Variants in ADGRD1 observed in about 807,000 individuals in gnomAD.
ADGRD1 encodes the protein G-protein coupled receptor 133.
A neutral mutation model predicts 113.4 loss-of-function variants in ADGRD1; 77 were observed. The ratio of observed to expected loss-of-function variants is 0.68; its 90% CI spans 0.57 to 0.82. The LOEUF (loss-of-function observed/expected upper bound fraction) is 0.82, where lower values mean the gene tolerates loss of function less well. Among genes scored for constraint, ADGRD1 ranks in the 40% least tolerant of loss-of-function variants. The pLI is 0.00. For missense variants in ADGRD1, 1,036 were observed against 1,139.1 expected, an observed-to-expected ratio of 0.91 and a Z score of 1.30; for synonymous variants, 474 against 475.0, an observed-to-expected ratio of 1.00 and a Z score of 0.03.
intron 12 of ADGRD1, among the ~76,000 whole-genome samples, chr12:131,010,686 C>T (rs1002715070): frequency 3.3e-5 from 5 of 152,158 alleles, no homozygotes; most frequent in Admixed American, 1.3e-4. Context: ...GGTGGGGCTC[C>T]GTGGGGCCAG....
intron 8 of ADGRD1, among the ~76,000 whole-genome samples, chr12:130,997,681 G>A (rs1875763406): frequency 6.6e-6 from 1 of 151,936 alleles, no homozygotes; most frequent in Admixed American, 6.6e-5. Context: ...TTTCCTAGAC[G>A]GGATGGCGGC....
At chr12:130,981,311 G>C (rs1872964584) in intron 4 of ADGRD1, 1 of 152,224 alleles carries the variant, frequency 6.6e-6, no homozygotes, top group Non-Finnish European at 1.5e-5. Context: ...AGACATAAAA[G>C]TGACAACGTG....
In ADGRD1 at chr12:130,992,449, C is replaced by T. The variant is rs1328975620; in HGVS notation, c.966+57C>T. 24 of 1,423,662 alleles carry T rather than the reference C, an allele frequency of 1.7e-5. No homozygotes were observed. In the East Asian group the frequency reaches 4.6e-4, roughly 27 times the overall value. 88.2% of individuals were successfully genotyped at this position (1,423,662 alleles called of 1,614,324 possible). ...CCGGGCGTGGCACCCTTACCGGGAC[C>T]ATAGATGTTTCTGTTTGACCTAGAT... On this transcript the variant is annotated intron_variant, in intron 8 of 24. Coordinates refer to ENST00000261654, the MANE Select transcript of ADGRD1 (RefSeq NM_198827.5).
intron 13 of ADGRD1, among the ~76,000 whole-genome samples, chr12:131,073,932 C>T (rs2137151758): frequency 6.6e-6 from 1 of 152,258 alleles, no homozygotes; most frequent in Non-Finnish European, 1.5e-5. Context: ...CTTAAAGGCC[C>T]CATCTCCCAA....
At position 131,011,761 on chromosome 12, in the gene ADGRD1, T is replaced by G. The variant is rs187214761; in HGVS notation, c.1332-2438T>G. Among the ~76,000 whole-genome samples, 11 of 152,314 alleles carry G rather than the reference T, an allele frequency of 7.2e-5. No individual in the cohort carries two copies. In the East Asian group the frequency reaches 1.9e-3, roughly 27 times the overall value. On this transcript the variant is annotated intron_variant, in intron 12 of 24. Transcript: ENST00000261654. ...TAGCAACGTGGTTTTTCCAGCGCGT[T>G]TGGTGGAATTGCACACGTGTTGAGT... is the stretch of plus-strand genomic sequence containing the variant.
chr12:131,070,897 C>G, intron 13 of ADGRD1: 1 of 519,028 alleles, frequency 1.9e-6, no homozygotes, highest in South Asian at 1.4e-5. Flanking sequence ...TCGGGTGAGT[C>G]TGCCATCCAG....
chr12:131,080,766 GC>G (rs1886003808), intron 14 of ADGRD1, among the ~76,000 whole-genome samples: 1 of 151,976 alleles, frequency 6.6e-6, no homozygotes, highest in South Asian at 2.1e-4. Context: ...GACTACAGGC[GC>G]CCGCCACCAC....
chr12:131,114,069 G>A (rs970264378), intron 18 of ADGRD1, among the ~76,000 whole-genome samples: 14 of 152,184 alleles, frequency 9.2e-5, no homozygotes, highest in South Asian at 2.1e-4. Context: ...GTGTCTGCAG[G>A]ATTTGTTGCT....
chr12:131,040,242 G>A (rs1566056250), intron 13 of ADGRD1, among the ~76,000 whole-genome samples: 3 of 152,130 alleles, frequency 2.0e-5, no homozygotes, highest in Admixed American at 2.0e-4. Flanking sequence ...CAACTGGTGC[G>A]GAGAAGTCAG....
intron 8 of ADGRD1, 142 bp downstream of exon 8, chr12:130,992,534 C>CG: frequency 1.4e-6 from 1 of 712,206 alleles, no homozygotes; most frequent in Non-Finnish European, 2.3e-6. Context: ...TTCTCATGAA[C>CG]AACCAGCTGG....
chr12:131,004,039 T>C (rs1876758231), intron 10 of ADGRD1, 147 bp from the exon 11 acceptor site: 1 of 576,616 alleles, frequency 1.7e-6, no homozygotes, highest in South Asian at 2.2e-5. Flanking sequence ...TTTTTTTTTT[T>C]TGAGGCCATG....
chr12:131,018,680 T>C (rs930640225), intron 13 of ADGRD1, among the ~76,000 whole-genome samples: 1 of 152,220 alleles, frequency 6.6e-6, no homozygotes, highest in Non-Finnish European at 1.5e-5. Context: ...GTTTTGCCTT[T>C]TACACACAAA....
chr12:131,109,590 G>A (rs1032057149), intron 18 of ADGRD1, among the ~76,000 whole-genome samples: 4 of 152,140 alleles, frequency 2.6e-5, no homozygotes, highest in African/African-American at 7.2e-5. Flanking sequence ...ATTGTGGAAA[G>A]ACAACATATT....
intron 13 of ADGRD1, among the ~76,000 whole-genome samples, chr12:131,045,026 C>T (rs1331018991): frequency 6.6e-5 from 10 of 152,366 alleles, no homozygotes; most frequent in South Asian, 2.1e-4. Context: ...GTGCGCGTGC[C>T]GGTGGGTTTC....
intron 15 of ADGRD1, among the ~76,000 whole-genome samples, chr12:131,097,051 G>A (rs1887336941): frequency 6.6e-6 from 1 of 152,196 alleles, no homozygotes; most frequent in South Asian, 2.1e-4. Flanking sequence ...TCCACGGGGG[G>A]ATTTGTGGCG....
intron 8 of ADGRD1, among the ~76,000 whole-genome samples, chr12:130,995,875 G>A (rs985343438): frequency 1.1e-4 from 16 of 152,104 alleles, no homozygotes; most frequent in Non-Finnish European, 1.5e-4. Flanking sequence ...AGTGAACAAA[G>A]AAACAAGTGA....
Position 130,992,324 on chromosome 12 carries a change from C to T in ADGRD1, c.898C>T (p.Leu300Phe). The T allele has an allele frequency of 6.2e-7, 1 of 1,612,920 alleles. No individual in the cohort carries two copies. The highest frequency in any genetic ancestry group is 1.1e-5 in the South Asian group (1 of 91,042). Residue 300 changes from leucine to phenylalanine, a missense_variant, in exon 8 of 25, where the codon CTC becomes TTC. Transcript: ENST00000261654. Reference protein sequence around the residue: ...FQSPGVILSYLQNVSLSLPSK... With the variant: ...FQSPGVILSYFQNVSLSLPSK... Reference sequence around the variant, plus strand: ...AAGTCCCGGAGTGATACTGAGTTACCTCCAAAATGTATCCCTCAGCTTACC... The same window carrying T: ...AAGTCCCGGAGTGATACTGAGTTACTTCCAAAATGTATCCCTCAGCTTACC...
intron 6 of ADGRD1, chr12:130,987,760 G>C (rs1299504632): frequency 1.4e-5 from 3 of 219,106 alleles, no homozygotes; most frequent in South Asian, 1.7e-4. Flanking sequence ...CGGGGCAGGG[G>C]CCTGTGGGTA....
At chr12:130,955,194 A>T (rs1369939917) in intron 2 of ADGRD1, among the ~76,000 whole-genome samples, 1 of 141,610 alleles carries the variant, frequency 7.1e-6, no homozygotes, top group East Asian at 2.1e-4. Context: ...CGAACTCCTG[A>T]TTTCAGGTGA....
Sources: gnomAD v4.1 joint callset for allele counts (sites outside exome capture counted in the v4.1 genomes callset) on GRCh38, gnomAD v4.1.1 for gene constraint, MANE v1.5 for transcripts, NCBI Gene and HGNC (gene_info 2026-07-23, HGNC 2026-07-21) for gene names.